Variants in ELOA observed in about 807,000 individuals in gnomAD.
ELOA encodes elongin-A.
Under a neutral mutation model 85.2 loss-of-function variants are expected in ELOA, and 15 were observed. The observed-to-expected ratio is 0.18, with a 90% CI of 0.12 to 0.27. The LOEUF is 0.27. Ranked by LOEUF, ELOA falls within the 10% of genes least tolerant of loss-of-function variation. ELOA has a pLI of 1.00. For missense variants in ELOA, 769 were observed against 952.7 expected (o/e 0.81, Z 2.54); for synonymous variants, 348 against 357.2 (o/e 0.97, Z 0.29).
chr1:23,750,798 A>G (rs775884327), intron 3 of ELOA, 47 bp from the exon 4 acceptor site: 2 of 1,495,230 alleles, frequency 1.3e-6, no homozygotes, highest in East Asian at 4.6e-5. Context: ...TTGTCCCTCA[A>G]GAAGCAAGAT....
intron 10 of ELOA, among the ~76,000 whole-genome samples, chr1:23,758,055 A>AATAT (rs1211341625): frequency 6.6e-6 from 1 of 151,398 alleles, no homozygotes; most frequent in East Asian, 2.0e-4. Flanking sequence ...TAAATAAATA[A>AATAT]ATATCATTGT....
In ELOA at chr1:23,760,878, AG is replaced by A. The variant is rs1310908261; in HGVS notation, c.*1307del. ...GTGTCAGCTCCCTTGTTGGCTGTCA[AG>A]GAACACCGATCTAGTAGAAACCCAC... On this transcript the variant is annotated 3_prime_UTR_variant, in exon 11 of 11. Coordinates refer to ENST00000613537, the MANE Select transcript of ELOA (RefSeq NM_003198.3). 1 of 152,174 alleles carries A rather than the reference AG, an allele frequency of 6.6e-6. No individual in the cohort carries two copies. Among genetic ancestry groups the A allele is most frequent in the Admixed American group, 6.5e-5 (1 of 15,270 alleles). The allele number at this position is 152,174 out of a possible 1,614,324, so 9.4% of individuals were successfully genotyped here.
chr1:23,759,602 TG>T lies in ELOA; in HGVS notation c.*33del. On this transcript the variant is annotated 3_prime_UTR_variant, in exon 11 of 11. Coordinates refer to ENST00000613537, the MANE Select transcript of ELOA (RefSeq NM_003198.3). Reference sequence around the variant, plus strand: ...GAGGACTTGCCTTGGAAATGGAATCTGGGGAGGCAGGAATACAAGGACAGTG... The same window carrying T: ...GAGGACTTGCCTTGGAAATGGAATCTGGGAGGCAGGAATACAAGGACAGTG... The T allele has an allele frequency of 6.2e-7, 1 of 1,612,536 alleles. No homozygotes were observed. The highest frequency in any genetic ancestry group is 8.5e-7 in the Non-Finnish European group (1 of 1,178,580).
rs781406601 is a variant in ELOA at position 23,755,991 on chromosome 1, A to G, written c.1940A>G (p.Asn647Ser). 1.6e-5 allele frequency: 26 copies of G among 1,613,476 alleles called. No homozygotes were observed. Among genetic ancestry groups the G allele is most frequent in the Non-Finnish European group, 2.2e-5 (26 of 1,179,920 alleles). Reference protein sequence around the residue: ...REQRLRVLTKNIQFAHANKPK... With the variant: ...REQRLRVLTKSIQFAHANKPK... ...CAGCGGCTACGAGTACTAACAAAGAATATCCAGTTCGCACATGCCAATAAG... is the reference window on the plus strand; with the variant it reads ...CAGCGGCTACGAGTACTAACAAAGAGTATCCAGTTCGCACATGCCAATAAG... The change falls in exon 8 of 11, where the codon AAT (asparagine) becomes AGT (serine). Residue 647 changes from asparagine (N) to serine (S), a missense_variant. Around this residue, in one of 4 missense-constraint regions of ELOA, gnomAD observed 20 missense variants for 58.8 expected, o/e 0.34. Coordinates refer to ENST00000613537, the MANE Select transcript of ELOA (RefSeq NM_003198.3).
At chr1:23,752,075 G>T in intron 4 of ELOA, 45 bp downstream of exon 4, 1 of 1,525,010 alleles carries the variant, frequency 6.6e-7, no homozygotes, top group African/African-American at 1.4e-5. Flanking sequence ...AGAGCACCTG[G>T]CCCTGCAGAG....
chr1:23,758,892 C>T (rs189067069), intron 10 of ELOA, among the ~76,000 whole-genome samples: 1 of 152,200 alleles, frequency 6.6e-6, no homozygotes, highest in Non-Finnish European at 1.5e-5. Flanking sequence ...TAAGTTATGA[C>T]TGAGTATGGC....
chr1:23,744,447 AT>A (rs546539133), intron 1 of ELOA, among the ~76,000 whole-genome samples: 3,050 of 139,306 alleles, frequency 0.022, 89 homozygotes, highest in African/African-American at 0.074. Context: ...GGTTGTCAGG[AT>A]TTTTTTTTTT....
intron 9 of ELOA, 56 bp downstream of exon 9, chr1:23,756,441 A>G: frequency 6.8e-7 from 1 of 1,474,464 alleles, no homozygotes; most frequent in South Asian, 1.2e-5. Context: ...AGAGGTAGCC[A>G]TAGCGGCAGG....
intron 7 of ELOA, 39 bp downstream of exon 7, chr1:23,754,499 G>A: frequency 6.6e-7 from 1 of 1,511,344 alleles, no homozygotes; most frequent in Non-Finnish European, 9.2e-7. Context: ...GCAGTTTTCT[G>A]GCTTGTACCT....
At chr1:23,755,759 G>C in intron 7 of ELOA, 84 bp from the exon 8 acceptor site, 1 of 1,410,648 alleles carries the variant, frequency 7.1e-7, no homozygotes, top group Non-Finnish European at 9.5e-7. Context: ...CAGTCTACAC[G>C]ACAGAGCAAG....
In ELOA at chr1:23,761,885, G is replaced by A. The variant is rs1425115712; in HGVS notation, c.*2312G>A. 1 of 152,036 alleles carries A rather than the reference G, an allele frequency of 6.6e-6. No individual in the cohort carries two copies. Among genetic ancestry groups the A allele is most frequent in the Non-Finnish European group, 1.5e-5 (1 of 68,014 alleles). The allele number at this position is 152,036 out of a possible 1,614,324, so 9.4% of individuals were successfully genotyped here. On this transcript the variant is annotated 3_prime_UTR_variant, in exon 11 of 11. Transcript: ENST00000613537. ...GTTTCTTTGGGGCTTTTTCTTTCTG[G>A]GAAGCGGGAGGGAAAGGAGCAAGGT...
chr1:23,749,133 GGA>G, intron 2 of ELOA, 56 bp downstream of exon 2: 2 of 1,447,986 alleles, frequency 1.4e-6, no homozygotes, highest in East Asian at 2.3e-5. Context: ...CCTTCTCACT[GGA>G]GAGTGTGTAG....
chr1:23,747,667 A>G lies in ELOA; in HGVS notation c.76-1354A>G, dbSNP rs139802969. ...AAACACAAAATTTTTCCTGAGTTGG[A>G]TGATGGTGGTGATAGGATTTGAAGT... On this transcript the variant is annotated intron_variant, in intron 1 of 10. Transcript: ENST00000613537. Among the ~76,000 whole-genome samples, 10 of 152,292 alleles carry G rather than the reference A, an allele frequency of 6.6e-5. No individual in the cohort carries two copies. In the East Asian group the frequency reaches 1.7e-3, roughly 26 times the overall value.
At chr1:23,752,343 A>C in intron 4 of ELOA, 64 bp from the exon 5 acceptor site, 3 of 1,491,944 alleles carry the variant, frequency 2.0e-6, no homozygotes, top group Non-Finnish European at 2.8e-6. Context: ...CCGGGAATAG[A>C]CTGTAGGAAA....
At chr1:23,750,170 C>CCTTTTTTTTTTTTTT (rs1553125603) in intron 3 of ELOA, among the ~76,000 whole-genome samples, 1 of 90,536 alleles carries the variant, frequency 1.1e-5, no homozygotes. Flanking sequence ...TGGTACGTTT[C>CCTTTTTTTTTTTTTT]TTTTTTTTTT....
intron 7 of ELOA, 142 bp downstream of exon 7, chr1:23,754,602 G>C (rs1221208434): frequency 4.4e-6 from 3 of 684,250 alleles, no homozygotes; most frequent in African/African-American, 3.6e-5. Context: ...TTGCCACTGG[G>C]CCTTTAAACA....
intron 5 of ELOA, among the ~76,000 whole-genome samples, chr1:23,752,924 CAA>C (rs898371471): frequency 1.6e-4 from 25 of 151,872 alleles, no homozygotes; most frequent in African/African-American, 5.8e-4. Context: ...GCCTGGGTGA[CAA>C]GAGGGAAACT....
chr1:23,751,839 A>G lies in ELOA; in HGVS notation c.1234A>G (p.Ser412Gly). The G allele has an allele frequency of 6.2e-7, 1 of 1,614,112 alleles. No homozygotes were observed. Among genetic ancestry groups the G allele is most frequent in the Non-Finnish European group, 8.5e-7 (1 of 1,180,024 alleles). The change falls in exon 4 of 11, where the codon AGC becomes GGC. Residue 412 changes from serine (S) to glycine (G), a missense_variant. Transcript: ENST00000613537. ...AACCATGTCTTTTGAATCCTACCTCAGCTATGACCAGCCCCGGAAGAAAAA... is the reference window on the plus strand; with the variant it reads ...AACCATGTCTTTTGAATCCTACCTCGGCTATGACCAGCCCCGGAAGAAAAA... Reference protein sequence around the residue: ...QPTMSFESYLSYDQPRKKKKK... With the variant: ...QPTMSFESYLGYDQPRKKKKK...
Position 23,751,040 on chromosome 1 carries a change from G to A in ELOA, c.435G>A (p.Val145=). The A allele has an allele frequency of 6.2e-7, 1 of 1,614,114 alleles. No homozygotes were observed. The highest frequency in any genetic ancestry group is 8.5e-7 in the Non-Finnish European group (1 of 1,180,042). ...CGGAGCTCGAGAGACCTCACAAAGT[G>A]TCTCACGGTCATGAGAGGAGAGATG... ...KLSELERPHK[V]SHGHERRDER... is the part of the protein sequence containing the mutation. The change falls in exon 4 of 11, where the codon GTG becomes GTA. Residue 145 remains valine, a synonymous_variant. Transcript: ENST00000613537.
Sources: gnomAD v4.1 joint callset for allele counts (sites outside exome capture counted in the v4.1 genomes callset) on GRCh38, gnomAD v4.1.1 for gene constraint, gnomAD v4.1.1 regional missense constraint, MANE v1.5 for transcripts, NCBI Gene and HGNC (gene_info 2026-07-23, HGNC 2026-07-21) for gene names.